SLC37A1: variants seen among roughly 807,000 people sequenced by gnomAD.
SLC37A1 encodes the protein glucose-6-phosphate exchanger SLC37A1.
Under a neutral mutation model 75.3 loss-of-function variants are expected in SLC37A1, and 49 were observed. That is an observed-to-expected ratio of 0.65 (90% CI 0.52 to 0.83). The LOEUF is 0.83. SLC37A1 is among the 40% of genes least tolerant of loss of function. SLC37A1 has a pLI of 0.00. For missense variants in SLC37A1, 566 were observed against 695.0 expected, an observed-to-expected ratio of 0.81 and a Z score of 2.09; for synonymous variants, 268 against 292.1, an observed-to-expected ratio of 0.92 and a Z score of 0.84.
Position 42,514,887 on chromosome 21 carries a change from GC to G in SLC37A1, c.-179+172del, listed in dbSNP as rs1191365799. On this transcript the variant is annotated intron_variant, in intron 1 of 19. Transcript: ENST00000352133. This position sits in a 1 kb window ranked among gnomAD's most constrained non-coding sequence, Gnocchi z 4.8. ...TCCCTTAGCTCTTTGCCTGGAAGGT[GC>G]CTGCCTGCCTGCCTGCCGGCCCTTG... 1 of 152,358 alleles carries G rather than the reference GC, an allele frequency of 6.6e-6. No homozygotes were observed. Among genetic ancestry groups the G allele is most frequent in the African/African-American group, 2.4e-5 (1 of 41,460 alleles). The allele number at this position is 152,358 out of a possible 1,614,324, so 9.4% of individuals were successfully genotyped here. A position where few individuals can be genotyped will look rare whatever the true frequency, so the allele number is the denominator to read the frequency against.
upstream of SLC37A1, among the ~76,000 whole-genome samples, chr21:42,512,026 T>A (rs901836765): frequency 6.6e-6 from 1 of 151,050 alleles, no homozygotes; most frequent in Non-Finnish European, 1.5e-5. Flanking sequence ...TAATAATACA[T>A]TGTATACTTG....
intron 6 of SLC37A1, 34 bp downstream of exon 6, chr21:42,539,681 G>A: frequency 6.3e-7 from 1 of 1,592,444 alleles, no homozygotes; most frequent in Non-Finnish European, 8.6e-7. Flanking sequence ...ACCATGTACG[G>A]GGTTTCCTTG....
upstream of SLC37A1, among the ~76,000 whole-genome samples, chr21:42,510,443 G>A (rs915951334): frequency 6.6e-6 from 1 of 152,154 alleles, no homozygotes; most frequent in Non-Finnish European, 1.5e-5. Context: ...CATTAGAAAG[G>A]AAGATAGTAA....
At chr21:42,531,941 G>C (rs1004516592) in intron 3 of SLC37A1, among the ~76,000 whole-genome samples, 1 of 152,116 alleles carries the variant, frequency 6.6e-6, no homozygotes, top group African/African-American at 2.4e-5. Flanking sequence ...CCAGAGAGGC[G>C]CCCGGACTCA....
At chr21:42,522,064 G>C (rs550912101) in intron 2 of SLC37A1, among the ~76,000 whole-genome samples, 1 of 152,318 alleles carries the variant, frequency 6.6e-6, no homozygotes, top group Non-Finnish European at 1.5e-5. Flanking sequence ...GTCTCTGCCT[G>C]TGTGGCCACG....
At chr21:42,533,798 G>C (rs2055059988) in intron 3 of SLC37A1, among the ~76,000 whole-genome samples, 1 of 152,274 alleles carries the variant, frequency 6.6e-6, no homozygotes, top group African/African-American at 2.4e-5. Context: ...GGGAGACCGA[G>C]GCAGGGGCAG....
rs550730243 is a variant in SLC37A1, at chr21:42,545,413, CT to C, written c.731-1689del. 4.9e-3 allele frequency among the ~76,000 whole-genome samples: 748 copies of C among 152,316 alleles called. 7 individuals are homozygous for C. The highest frequency in any genetic ancestry group is 6.7e-3 in the Non-Finnish European group (455 of 68,028). ...AGTGCCCCTTGGTTTGTTTCTGCCC[CT>C]CCTTGTCCCGAATCACTGATCCTGG... On this transcript the variant is annotated intron_variant, in intron 8 of 19. Transcript: ENST00000352133. The surrounding 1 kb of genome is among the most constrained non-coding windows in gnomAD (Gnocchi z 4.0).
chr21:42,577,710 C>G (rs1398798711), intron 18 of SLC37A1, among the ~76,000 whole-genome samples: 1 of 152,154 alleles, frequency 6.6e-6, no homozygotes, highest in Non-Finnish European at 1.5e-5. Context: ...CCCAGCATGC[C>G]AGCAACACAG....
In SLC37A1 at chr21:42,519,939, C is replaced by T. The variant is rs1310845834; in HGVS notation, c.56+1429C>T. Among the ~76,000 whole-genome samples the T allele has an allele frequency of 2.6e-5, 4 of 151,776 alleles. No individual in the cohort carries two copies. In the East Asian group the frequency reaches 7.7e-4, roughly 29 times the overall value. On this transcript the variant is annotated intron_variant, in intron 2 of 19. Coordinates refer to ENST00000352133, the MANE Select transcript of SLC37A1 (RefSeq NM_001320537.2). ...GATTAACATTTAGCCTCATCTGCTT[C>T]TCTCCCTGCCCCTCCACAGTGTGTT...
At chr21:42,501,607 G>A (rs1005629727) in intron 1 of SLC37A1, among the ~76,000 whole-genome samples, 10 of 152,214 alleles carry the variant, frequency 6.6e-5, no homozygotes, top group Non-Finnish European at 1.0e-4. Flanking sequence ...AGCCACTCAG[G>A]AGGTTGAGGC....
intron 3 of SLC37A1, among the ~76,000 whole-genome samples, chr21:42,532,706 G>T (rs1313812613): frequency 1.3e-5 from 2 of 152,138 alleles, no homozygotes; most frequent in Non-Finnish European, 2.9e-5. Context: ...TCCACCTTGG[G>T]TGGAGAACTT....
chr21:42,543,210 G>A (rs775501927), intron 7 of SLC37A1, among the ~76,000 whole-genome samples: 1 of 152,234 alleles, frequency 6.6e-6, no homozygotes, highest in Admixed American at 6.5e-5. Context: ...TACAGAATGC[G>A]CTCAGAGCAA....
intron 3 of SLC37A1, among the ~76,000 whole-genome samples, chr21:42,529,503 G>A (rs750077654): frequency 3.3e-5 from 5 of 151,994 alleles, no homozygotes; most frequent in Non-Finnish European, 4.4e-5. Flanking sequence ...GCAGTGAGCC[G>A]AGACCACACC....
chr21:42,559,868 T>C (rs2055783192), intron 11 of SLC37A1, among the ~76,000 whole-genome samples: 2 of 126,236 alleles, frequency 1.6e-5, no homozygotes, highest in African/African-American at 3.0e-5. Context: ...AGAGCAAGAC[T>C]CTGTCTCAAA....
intron 18 of SLC37A1, chr21:42,575,249 A>C: frequency 1.0e-6 from 1 of 984,266 alleles, no homozygotes; most frequent in Non-Finnish European, 1.2e-6. Context: ...CCACAGCTTT[A>C]AAATGGGCAT....
intron 10 of SLC37A1, among the ~76,000 whole-genome samples, chr21:42,557,857 C>G (rs897190397): frequency 6.6e-6 from 1 of 152,116 alleles, no homozygotes; most frequent in African/African-American, 2.4e-5. Flanking sequence ...TACCACAAAG[C>G]CTGTTTGATT....
intron 7 of SLC37A1, 37 bp from the exon 8 acceptor site, chr21:42,543,399 A>G: frequency 1.2e-6 from 2 of 1,613,788 alleles, no homozygotes; most frequent in Non-Finnish European, 1.7e-6. Context: ...TCAGCTTCTC[A>G]GCTCCATCTT....
In SLC37A1 at chr21:42,562,287, T is replaced by C. The variant is rs140538814; in HGVS notation, c.1072+119T>C. On this transcript the variant is annotated intron_variant, in intron 12 of 19. Coordinates refer to ENST00000352133, the MANE Select transcript of SLC37A1 (RefSeq NM_001320537.2). ...AGGTCATGAAGGGTGATTTGAGAGG[T>C]ACACCTTTGAATAAAGTACTATGAT... The C allele has an allele frequency of 7.4e-4, 627 of 846,214 alleles. 10 individuals carry two copies. The East Asian group carries it at 0.01, about 14-fold the overall frequency. 52.4% of individuals were successfully genotyped at this position (846,214 alleles called of 1,614,324 possible).
intron 2 of SLC37A1, among the ~76,000 whole-genome samples, chr21:42,520,936 G>A (rs1205475719): frequency 2.0e-5 from 3 of 152,238 alleles, no homozygotes; most frequent in Non-Finnish European, 4.4e-5. Flanking sequence ...TGAGACTCAT[G>A]AATGATAGCC....
Sources: allele counts gnomAD v4.1 joint callset (sites outside exome capture counted in the v4.1 genomes callset), GRCh38; gene constraint gnomAD v4.1.1; non-coding constraint Gnocchi (gnomAD v3.1); transcripts MANE v1.5; gene names NCBI Gene and HGNC (gene_info 2026-07-23, HGNC 2026-07-21).